CHIC1: variants seen among roughly 807,000 people sequenced by gnomAD.
CHIC1 encodes cysteine rich hydrophobic domain 1, also known as cysteine-rich hydrophobic domain-containing protein 1.
Under a neutral mutation model 18.5 loss-of-function variants are expected in CHIC1, and 7 were observed. The observed-to-expected ratio is 0.38, with a 90% CI of 0.22 to 0.71. CHIC1 has a LOEUF of 0.71. Ranked by LOEUF, CHIC1 falls within the 30% of genes least tolerant of loss-of-function variation. The pLI is 0.49. For missense variants in CHIC1, 159 were observed against 176.9 expected (o/e 0.90, Z 0.57); for synonymous variants, 77 against 73.5 (o/e 1.05, Z -0.25).
At position 73,563,504 on chromosome X, in the gene CHIC1, C is replaced by T. The variant is rs112505584; in HGVS notation, c.220C>T (p.Arg74Trp). ...GGAGGAGGAAGCGCCGCCCCCGCCT[C>T]GGGTAGTGAGCGAGGAGCATCTGCG... ...EEEEEAPPPP[R>W]VVSEEHLRRY... The change falls in exon 1 of 6, where the codon CGG becomes TGG. Residue 74 changes from arginine to tryptophan, a missense_variant. Transcript: ENST00000373502. The T allele has an allele frequency of 3.1e-5, 36 of 1,163,720 alleles. No individual in the cohort carries two copies.
At chrX:73,597,443 G>C (rs911117362) in intron 3 of CHIC1, among the ~76,000 whole-genome samples, 15 of 109,423 alleles carry the variant, frequency 1.4e-4, no homozygotes, top group Non-Finnish European at 2.5e-4. Context: ...TCTTTTCACT[G>C]TCTTAATAGT....
chrX:73,594,458 G>A (rs1405339837), intron 3 of CHIC1, among the ~76,000 whole-genome samples: 1 of 111,517 alleles, frequency 9.0e-6, no homozygotes, highest in Non-Finnish European at 1.9e-5. Context: ...GGTTCTGTAT[G>A]GGTTCCTTAG....
rs2058105744 is a variant in CHIC1, at chrX:73,683,087, G to T, written c.*2082G>T. The T allele has an allele frequency of 9.1e-6, 1 of 110,474 alleles. No homozygotes were observed. 9.1% of individuals were successfully genotyped at this position (110,474 alleles called of 1,213,427 possible). A position where few individuals can be genotyped will look rare whatever the true frequency, so the allele number is the denominator to read the frequency against. ...TTTCTGCCATGTATAAATCACACTT[G>T]GTTTTGCTCAAAGAACAGCATGAAG... On this transcript the variant is annotated 3_prime_UTR_variant, in exon 6 of 6. Transcript: ENST00000373502.
At chrX:73,593,563 G>C (rs940864357) in intron 3 of CHIC1, among the ~76,000 whole-genome samples, 1 of 111,225 alleles carries the variant, frequency 9.0e-6, no homozygotes, top group African/African-American at 3.3e-5. Context: ...TCATAGGTTT[G>C]GTCTATCTAC....
intron 2 of CHIC1, among the ~76,000 whole-genome samples, chrX:73,578,442 G>C (rs1015945923): frequency 1.2e-4 from 13 of 110,330 alleles, no homozygotes; most frequent in African/African-American, 4.2e-4. Flanking sequence ...AACATGATTA[G>C]GGGTTAAAGG....
At chrX:73,619,138 C>T (rs1013877777) in intron 3 of CHIC1, among the ~76,000 whole-genome samples, 2 of 111,992 alleles carry the variant, frequency 1.8e-5, no homozygotes, top group Non-Finnish European at 3.8e-5. Flanking sequence ...ACTTTGGGGA[C>T]GCACAGGTTT....
At chrX:73,578,379 A>AT (rs2057510467) in intron 2 of CHIC1, among the ~76,000 whole-genome samples, 1 of 110,821 alleles carries the variant, frequency 9.0e-6, no homozygotes, top group Non-Finnish European at 1.9e-5. Flanking sequence ...ATTATATTAC[A>AT]GAATACTCAG....
chrX:73,592,403 G>A lies in CHIC1; in HGVS notation c.507+7831G>A, dbSNP rs763203963. Among the ~76,000 whole-genome samples the A allele has an allele frequency of 2.7e-5, 3 of 111,363 alleles. No individual in the cohort carries two copies. The South Asian group carries it at 1.1e-3, about 41-fold the overall frequency. On this transcript the variant is annotated intron_variant, in intron 3 of 5. Transcript: ENST00000373502. ...TTTCTTTGATGGCTAGTTTGTTAAG[G>A]GTTTTTATGAAGTGAAATTGGGTTT... is the stretch of plus-strand genomic sequence containing the variant.
rs2058099414 is a variant in CHIC1 at position 73,681,537 on chromosome X, A to G, written c.*532A>G. On this transcript the variant is annotated 3_prime_UTR_variant, in exon 6 of 6. Coordinates refer to ENST00000373502, the MANE Select transcript of CHIC1 (RefSeq NM_001039840.4). ...CTTTATCACTTATGTTAGTGGATAAAATATTTAAACTCCTAAAGACTTGTA... is the reference window on the plus strand; with the variant it reads ...CTTTATCACTTATGTTAGTGGATAAGATATTTAAACTCCTAAAGACTTGTA... The G allele has an allele frequency of 8.9e-6, 1 of 112,577 alleles. No homozygotes were observed. The highest frequency in any genetic ancestry group is 1.9e-5 in the Non-Finnish European group (1 of 53,052). The allele number at this position is 112,577 out of a possible 1,213,427, so 9.3% of individuals were successfully genotyped here. A position where few individuals can be genotyped will look rare whatever the true frequency, so the allele number is the denominator to read the frequency against.
At position 73,686,739 on chromosome X, in the gene CHIC1, A is replaced by T. The variant is rs2147640167; in HGVS notation, c.*5734A>T. ...ATCTGGCTGCAAGAACAGGATATCC[A>T]GGTAACTAGAGAGTGGGCATTGATA... On this transcript the variant is annotated 3_prime_UTR_variant, in exon 6 of 6. Transcript: ENST00000373502. The T allele has an allele frequency of 9.0e-6, 1 of 111,650 alleles. No individual in the cohort carries two copies. The highest frequency in any genetic ancestry group is 3.7e-4 in the South Asian group (1 of 2,698). The allele number at this position is 111,650 out of a possible 1,213,427, so 9.2% of individuals were successfully genotyped here. A position where few individuals can be genotyped will look rare whatever the true frequency, so the allele number is the denominator to read the frequency against.
chrX:73,632,380 G>A (rs1270660546), intron 3 of CHIC1, among the ~76,000 whole-genome samples: 1 of 111,689 alleles, frequency 9.0e-6, no homozygotes, highest in Non-Finnish European at 1.9e-5. Context: ...ATATAATAGG[G>A]TGTTGTTTGT....
chrX:73,568,042 C>T (rs2057453448), intron 1 of CHIC1, among the ~76,000 whole-genome samples: 1 of 111,687 alleles, frequency 9.0e-6, no homozygotes, highest in Non-Finnish European at 1.9e-5. Context: ...AATATTGGTT[C>T]ACTTTAGTAA....
chrX:73,589,394 T>C (rs766124265), intron 3 of CHIC1, among the ~76,000 whole-genome samples: 6 of 111,247 alleles, frequency 5.4e-5, no homozygotes, highest in African/African-American at 1.9e-4. Context: ...GTATACCTTA[T>C]TTCCTTTTCT....
At chrX:73,672,943 T>C (rs1419218217) in intron 3 of CHIC1, among the ~76,000 whole-genome samples, 1 of 111,978 alleles carries the variant, frequency 8.9e-6, no homozygotes, top group Non-Finnish European at 1.9e-5. Flanking sequence ...AATTTTTGTA[T>C]AAGGTGTAAG....
intron 3 of CHIC1, among the ~76,000 whole-genome samples, chrX:73,667,024 A>G (rs1258037737): frequency 8.9e-6 from 1 of 111,844 alleles, no homozygotes; most frequent in Non-Finnish European, 1.9e-5. Flanking sequence ...CTTTATGAAT[A>G]TGGGTGCTAG....
intron 3 of CHIC1, among the ~76,000 whole-genome samples, chrX:73,642,322 G>C (rs1384787944): frequency 9.0e-6 from 1 of 111,435 alleles, no homozygotes; most frequent in African/African-American, 3.3e-5. Flanking sequence ...GTCTTCTTTT[G>C]AGAAGTGTCT....
intron 3 of CHIC1, among the ~76,000 whole-genome samples, chrX:73,636,406 T>C (rs2057831276): frequency 9.0e-6 from 1 of 111,226 alleles, no homozygotes; most frequent in Non-Finnish European, 1.9e-5. Context: ...TGCTTTAGAC[T>C]CCTGAGAGGC....
intron 3 of CHIC1, among the ~76,000 whole-genome samples, chrX:73,616,831 T>A (rs2057735379): frequency 9.0e-6 from 1 of 111,605 alleles, no homozygotes; most frequent in Non-Finnish European, 1.9e-5. Context: ...CAAAACCATT[T>A]TTTCTTTCTA....
At chrX:73,673,100 T>C (rs1253213048) in intron 3 of CHIC1, among the ~76,000 whole-genome samples, 1 of 111,917 alleles carries the variant, frequency 8.9e-6, no homozygotes, top group African/African-American at 3.3e-5. Context: ...TTCTGTTCCA[T>C]TGATCTATAT....
Sources: gnomAD v4.1 joint callset for allele counts (sites outside exome capture counted in the v4.1 genomes callset) on GRCh38, gnomAD v4.1.1 for gene constraint, MANE v1.5 for transcripts, NCBI Gene and HGNC (gene_info 2026-07-23, HGNC 2026-07-21) for gene names.